MVB12B: variants seen among roughly 807,000 people sequenced by gnomAD.
The protein encoded by MVB12B is multivesicular body subunit 12B.
In MVB12B, 16 loss-of-function variants were observed where a neutral mutation model predicts 41.6. The ratio of observed to expected loss-of-function variants is 0.38; its 90% CI spans 0.26 to 0.58. The LOEUF (loss-of-function observed/expected upper bound fraction) is 0.58. Among genes scored for constraint, MVB12B ranks in the 20% least tolerant of loss-of-function variants. The probability of loss-of-function intolerance (pLI) is 0.62; values close to 1 mark genes in which losing one functional copy is unlikely to be tolerated. For synonymous variants in MVB12B, 133 were observed against 139.7 expected (o/e 0.95, Z 0.34); for missense variants, 274 against 380.2 (o/e 0.72, Z 2.32).
Position 126,331,947 on chromosome 9 carries a change from G to C in MVB12B, c.81+4937G>C, listed in dbSNP as rs137915961. On this transcript the variant is annotated intron_variant, in intron 1 of 9. Transcript: ENST00000361171. ...TTAGACCACTGGGGTGCCCCTTCCT[G>C]TAGCTCAACATCATTGCTTAGATCT... Among the ~76,000 whole-genome samples the C allele has an allele frequency of 5.3e-5, 8 of 152,352 alleles. 1 individual carries two copies. The highest frequency in any genetic ancestry group is 1.9e-4 in the African/African-American group (8 of 41,572).
intron 6 of MVB12B, among the ~76,000 whole-genome samples, chr9:126,414,052 G>C (rs532504280): frequency 1.7e-4 from 26 of 152,266 alleles, no homozygotes; most frequent in African/African-American, 6.3e-4. Flanking sequence ...AATTCACACA[G>C]ACCTGGAATC....
At chr9:126,461,191 T>C (rs759038920) in intron 7 of MVB12B, among the ~76,000 whole-genome samples, 2 of 152,198 alleles carry the variant, frequency 1.3e-5, no homozygotes, top group African/African-American at 2.4e-5. Context: ...TTGATCCAGT[T>C]CCATTGTCCC....
At chr9:126,491,531 C>T (rs1230524253) in intron 9 of MVB12B, among the ~76,000 whole-genome samples, 2 of 152,126 alleles carry the variant, frequency 1.3e-5, no homozygotes, top group Non-Finnish European at 2.9e-5. Flanking sequence ...TGCCTTTTCT[C>T]TGCCTATGAG....
chr9:126,479,553 G>A (rs1833482764), intron 7 of MVB12B, among the ~76,000 whole-genome samples: 1 of 152,234 alleles, frequency 6.6e-6, no homozygotes, highest in Non-Finnish European at 1.5e-5. Context: ...GAGTGAGATT[G>A]TTTGGGGCCT....
At chr9:126,387,072 C>T (rs1411503970) in intron 4 of MVB12B, among the ~76,000 whole-genome samples, 2 of 152,006 alleles carry the variant, frequency 1.3e-5, no homozygotes, top group African/African-American at 2.4e-5. Context: ...ATTTGGGGCC[C>T]GTTGAGCAAA....
intron 7 of MVB12B, among the ~76,000 whole-genome samples, chr9:126,477,015 A>C (rs973299547): frequency 3.9e-5 from 6 of 152,054 alleles, no homozygotes; most frequent in Non-Finnish European, 7.4e-5. Flanking sequence ...TGGGTCATTG[A>C]TAAAGAACAG....
chr9:126,401,960 C>T (rs1402160540), intron 6 of MVB12B, among the ~76,000 whole-genome samples: 3 of 152,210 alleles, frequency 2.0e-5, no homozygotes, highest in African/African-American at 4.8e-5. Context: ...TGTCACCTGT[C>T]CTGTTGTTGC....
At chr9:126,336,045 C>A (rs984797780) in intron 1 of MVB12B, among the ~76,000 whole-genome samples, 2 of 152,256 alleles carry the variant, frequency 1.3e-5, no homozygotes, top group African/African-American at 4.8e-5. Flanking sequence ...GAGGCTGGAA[C>A]GTGGGCCCAC....
rs1018525586 is a variant in MVB12B, at chr9:126,490,245, T to A, written c.873+6213T>A. ...GTCCAGGCGGGAGCTTCTAAAATAA[T>A]CCTCATGTCTTGATTACCTGTGTAT... On this transcript the variant is annotated intron_variant, in intron 9 of 9. Coordinates refer to ENST00000361171, the MANE Select transcript of MVB12B (RefSeq NM_033446.3). 1.6e-4 allele frequency among the ~76,000 whole-genome samples: 24 copies of A among 152,146 alleles called. 1 individual carries two copies. Among genetic ancestry groups the A allele is most frequent in the African/African-American group, 5.3e-4 (22 of 41,432 alleles).
intron 6 of MVB12B, among the ~76,000 whole-genome samples, chr9:126,418,003 C>G (rs1354487764): frequency 1.3e-5 from 2 of 152,196 alleles, no homozygotes; most frequent in Non-Finnish European, 2.9e-5. Context: ...AAGACTTCCA[C>G]TCTTTCTGGA....
At chr9:126,335,528 C>A in intron 1 of MVB12B, 1 of 631,290 alleles carries the variant, frequency 1.6e-6, no homozygotes, top group South Asian at 1.5e-5. Context: ...TCCTTCTGTC[C>A]CTTGCTTGCG....
intron 6 of MVB12B, among the ~76,000 whole-genome samples, chr9:126,406,353 T>A (rs922620779): frequency 3.3e-5 from 5 of 152,244 alleles, no homozygotes; most frequent in Non-Finnish European, 7.3e-5. Flanking sequence ...CAAATTGTTT[T>A]CCACAGCTTT....
At chr9:126,369,273 G>T (rs1053241438) in intron 2 of MVB12B, among the ~76,000 whole-genome samples, 6 of 152,290 alleles carry the variant, frequency 3.9e-5, no homozygotes, top group Admixed American at 3.9e-4. Flanking sequence ...ACATTTGTGA[G>T]ATTTGAAATA....
intron 9 of MVB12B, among the ~76,000 whole-genome samples, chr9:126,493,119 A>G (rs113020248): frequency 2.0e-5 from 3 of 152,032 alleles, no homozygotes; most frequent in Non-Finnish European, 2.9e-5. Context: ...TTCGTGGGCA[A>G]TTTTCTCTGT....
chr9:126,494,867 C>G (rs1564351619), intron 9 of MVB12B, among the ~76,000 whole-genome samples: 1 of 147,986 alleles, frequency 6.8e-6, no homozygotes, highest in East Asian at 2.0e-4. Context: ...GGGAGCACCC[C>G]ACCCCCCCCC....
intron 7 of MVB12B, among the ~76,000 whole-genome samples, chr9:126,439,069 C>A (rs1353291951): frequency 6.6e-6 from 1 of 152,090 alleles, no homozygotes; most frequent in Non-Finnish European, 1.5e-5. Context: ...TTCCCTTAGC[C>A]CTGGGGGAAT....
chr9:126,453,189 G>A (rs1277899367), intron 7 of MVB12B, among the ~76,000 whole-genome samples: 1 of 152,172 alleles, frequency 6.6e-6, no homozygotes, highest in East Asian at 1.9e-4. Flanking sequence ...AAGTTCAGCG[G>A]GTTTTTAGTG....
rs886158622 is a variant in MVB12B at position 126,468,149 on chromosome 9, T to C, written c.758-13220T>C. 2.7e-5 allele frequency among the ~76,000 whole-genome samples: 4 copies of C among 148,738 alleles called. No homozygotes were observed. The highest frequency in any genetic ancestry group is 4.5e-5 in the Non-Finnish European group (3 of 66,676). On this transcript the variant is annotated intron_variant, in intron 7 of 9. Transcript: ENST00000361171. This position sits in a 1 kb window ranked among gnomAD's most constrained non-coding sequence, Gnocchi z 4.3. Reference sequence around the variant, plus strand: ...TTTTGCCAGCTTGGAACGTTAACATTCCTCAGCTCTGTCCCAGGTCTGCCT... The same window carrying C: ...TTTTGCCAGCTTGGAACGTTAACATCCCTCAGCTCTGTCCCAGGTCTGCCT...
At chr9:126,394,026 C>T (rs1831033810) in intron 5 of MVB12B, among the ~76,000 whole-genome samples, 1 of 152,250 alleles carries the variant, frequency 6.6e-6, no homozygotes, top group African/African-American at 2.4e-5. Flanking sequence ...TGCAGAGTTT[C>T]ACCTCGGTGG....
Sources: gnomAD v4.1 joint callset for allele counts (sites outside exome capture counted in the v4.1 genomes callset) on GRCh38, gnomAD v4.1.1 for gene constraint, Gnocchi (gnomAD v3.1) non-coding constraint, MANE v1.5 for transcripts, NCBI Gene and HGNC (gene_info 2026-07-23, HGNC 2026-07-21) for gene names.